Variants in LRRC8B observed in about 807,000 individuals in gnomAD.
LRRC8B encodes the protein leucine rich repeat containing 8 VRAC subunit B, also known as volume-regulated anion channel subunit LRRC8B.
Under a neutral mutation model 58.8 loss-of-function variants are expected in LRRC8B, and 23 were observed. The observed-to-expected ratio is 0.39, with a 90% CI of 0.28 to 0.55. The LOEUF is 0.55. LRRC8B is among the 20% of genes least tolerant of loss of function. The pLI, the probability that LRRC8B is intolerant of heterozygous loss-of-function variation, is 0.62. For synonymous variants in LRRC8B, 359 were observed against 374.1 expected, an observed-to-expected ratio of 0.96 and a Z score of 0.47; for missense variants, 694 against 936.0, an observed-to-expected ratio of 0.74 and a Z score of 3.37.
intron 5 of LRRC8B, among the ~76,000 whole-genome samples, chr1:89,589,645 A>G (rs1489845176): frequency 6.6e-6 from 1 of 151,542 alleles, no homozygotes; most frequent in Non-Finnish European, 1.5e-5. Flanking sequence ...CATCTATGTG[A>G]CACTGGGTTT....
chr1:89,552,279 TTC>T (rs1651881905), intron 1 of LRRC8B, among the ~76,000 whole-genome samples: 1 of 152,182 alleles, frequency 6.6e-6, no homozygotes, highest in Non-Finnish European at 1.5e-5. Flanking sequence ...TGAGAATATA[TTC>T]TGTTTTTGCA....
chr1:89,569,557 A>T (rs182615893), intron 3 of LRRC8B, among the ~76,000 whole-genome samples: 31 of 152,156 alleles, frequency 2.0e-4, no homozygotes, highest in Admixed American at 3.9e-4. Flanking sequence ...TAAGTGAAAA[A>T]ATGTATTTAG....
chr1:89,530,977 C>T (rs1033380421), intron 1 of LRRC8B, among the ~76,000 whole-genome samples: 2 of 152,110 alleles, frequency 1.3e-5, no homozygotes, highest in Non-Finnish European at 1.5e-5. Context: ...ATGCATCTTC[C>T]ACGTATTGTG....
rs2101130251 is a variant in LRRC8B at position 89,596,423 on chromosome 1, T to C, written c.*3380T>C. 6.6e-6 allele frequency: 1 copy of C among 152,310 alleles called. No homozygotes were observed. The highest frequency in any genetic ancestry group is 1.9e-4 in the East Asian group (1 of 5,194). 9.4% of individuals were successfully genotyped at this position (152,310 alleles called of 1,614,324 possible). ...TGGCATAGCTCCAATAGGTGTGCTG[T>C]GGTGCACTGCAGTGATGTATTTGCA... On this transcript the variant is annotated 3_prime_UTR_variant, in exon 6 of 6. Transcript: ENST00000330947.
At position 89,542,514 on chromosome 1, in the gene LRRC8B, A is replaced by G. The variant is rs556111117; in HGVS notation, c.-241+17492A>G. On this transcript the variant is annotated intron_variant, in intron 1 of 5. Transcript: ENST00000330947. Reference sequence around the variant, plus strand: ...AAATATTTACTGAATGACTGAGTGAATGAATGAATGAATGAATGAATCCAT... The same window carrying G: ...AAATATTTACTGAATGACTGAGTGAGTGAATGAATGAATGAATGAATCCAT... 2.6e-5 allele frequency among the ~76,000 whole-genome samples: 4 copies of G among 152,272 alleles called. No individual in the cohort carries two copies. The East Asian group carries it at 7.7e-4, about 29-fold the overall frequency.
chr1:89,540,629 AC>A (rs1650892804), intron 1 of LRRC8B, among the ~76,000 whole-genome samples: 1 of 152,178 alleles, frequency 6.6e-6, no homozygotes, highest in Non-Finnish European at 1.5e-5. Flanking sequence ...GCTTGGAGAT[AC>A]ATTTATATCT....
In LRRC8B at chr1:89,551,379, C is replaced by G. The variant is rs372372301; in HGVS notation, c.-240-16868C>G. ...TGAGCTTGTATCCTTATCCTAAAGT[C>G]AAGTGTATGATTTAAATGACTATGA... On this transcript the variant is annotated intron_variant, in intron 1 of 5. Transcript: ENST00000330947. Among the ~76,000 whole-genome samples the G allele has an allele frequency of 1.4e-4, 21 of 152,148 alleles. No individual in the cohort carries two copies. In the South Asian group the frequency reaches 3.3e-3, roughly 24 times the overall value.
chr1:89,550,237 T>G (rs1651700629), intron 1 of LRRC8B, among the ~76,000 whole-genome samples: 1 of 152,214 alleles, frequency 6.6e-6, no homozygotes, highest in African/African-American at 2.4e-5. Flanking sequence ...CAGGCACATC[T>G]TAGTTCAAGC....
intron 5 of LRRC8B, among the ~76,000 whole-genome samples, chr1:89,586,207 C>T (rs575760830): frequency 6.6e-6 from 1 of 152,298 alleles, no homozygotes; most frequent in East Asian, 1.9e-4. Flanking sequence ...ATTCAGTAGG[C>T]CAGACGTAGG....
Position 89,565,308 on chromosome 1 carries a change from A to G in LRRC8B, c.-240-2939A>G, listed in dbSNP as rs184429855. Reference sequence around the variant, plus strand: ...GGAATGATTGTGAAATCATAATTTGATAAGATATTAAGGTCATTTTGGAAT... The same window carrying G: ...GGAATGATTGTGAAATCATAATTTGGTAAGATATTAAGGTCATTTTGGAAT... On this transcript the variant is annotated intron_variant, in intron 1 of 5. Transcript: ENST00000330947. Among the ~76,000 whole-genome samples the G allele has an allele frequency of 2.9e-3, 446 of 152,302 alleles. 1 individual carries two copies. Among genetic ancestry groups the G allele is most frequent in the Admixed American group, 4.1e-3 (63 of 15,294 alleles).
At chr1:89,573,043 G>T (rs1557613799) in intron 3 of LRRC8B, among the ~76,000 whole-genome samples, 1 of 152,162 alleles carries the variant, frequency 6.6e-6, no homozygotes, top group Non-Finnish European at 1.5e-5. Flanking sequence ...GTTCACGCCT[G>T]TAATCCCAGC....
chr1:89,568,157 A>G lies in LRRC8B; in HGVS notation c.-240-90A>G, dbSNP rs374606334. 3.8e-4 allele frequency: 58 copies of G among 152,250 alleles called. 2 individuals carry two copies. The East Asian group carries it at 6.6e-3, about 17-fold the overall frequency. The allele number at this position is 152,250 out of a possible 1,614,324, so 9.4% of individuals were successfully genotyped here. ...TAATGCTATCTTATTCTCCATTAAAAATTCAATGTTTATGTTTTGTGCCTT... is the reference window on the plus strand; with the variant it reads ...TAATGCTATCTTATTCTCCATTAAAGATTCAATGTTTATGTTTTGTGCCTT... On this transcript the variant is annotated intron_variant, in intron 1 of 5. Coordinates refer to ENST00000330947, the MANE Select transcript of LRRC8B (RefSeq NM_001369817.2).
At position 89,584,090 on chromosome 1, in the gene LRRC8B, T is replaced by C. The variant is rs532444797; in HGVS notation, c.1440T>C (p.Pro480=). Residue 480 remains proline, a synonymous_variant, in exon 5 of 6, where the codon CCT becomes CCC. Coordinates refer to ENST00000330947, the MANE Select transcript of LRRC8B (RefSeq NM_001369817.2). ...VYHSSLVVDH[P]ALAFLEENLK... is the part of the protein sequence containing the mutation. Reference sequence around the variant, plus strand: ...ATTCATCTCTGGTCGTAGACCATCCTGCACTGGCCTTTCTAGAGGAGAATT... The same window carrying C: ...ATTCATCTCTGGTCGTAGACCATCCCGCACTGGCCTTTCTAGAGGAGAATT... 6.2e-7 allele frequency: 1 copy of C among 1,614,106 alleles called. No individual in the cohort carries two copies. Among genetic ancestry groups the C allele is most frequent in the East Asian group, 2.2e-5 (1 of 44,878 alleles).
chr1:89,546,451 A>T (rs760012417), intron 1 of LRRC8B, among the ~76,000 whole-genome samples: 3 of 152,186 alleles, frequency 2.0e-5, no homozygotes, highest in Non-Finnish European at 4.4e-5. Context: ...CAATGGTGGG[A>T]TATATCAAGC....
chr1:89,546,176 C>T (rs906141314), intron 1 of LRRC8B, among the ~76,000 whole-genome samples: 3 of 152,034 alleles, frequency 2.0e-5, no homozygotes, highest in Non-Finnish European at 2.9e-5. Context: ...GTTGGAAAAG[C>T]GGCCTGGTAC....
intron 5 of LRRC8B, among the ~76,000 whole-genome samples, chr1:89,591,038 G>A (rs1557626755): frequency 6.6e-6 from 1 of 152,198 alleles, no homozygotes; most frequent in Non-Finnish European, 1.5e-5. Context: ...CACCCACAAT[G>A]TCAACAGTGC....
chr1:89,584,903 C>A (rs1053235968), intron 5 of LRRC8B, 114 bp downstream of exon 5: 3 of 707,700 alleles, frequency 4.2e-6, no homozygotes, highest in Non-Finnish European at 6.9e-6. Context: ...AAGCCCAATC[C>A]GATCTTGCAT....
At chr1:89,578,485 C>T (rs771413981) in intron 3 of LRRC8B, among the ~76,000 whole-genome samples, 6 of 152,174 alleles carry the variant, frequency 3.9e-5, no homozygotes, top group Non-Finnish European at 7.3e-5. Context: ...CAGCTAGGTT[C>T]TTATACATAC....
At chr1:89,581,397 C>G (rs567878789) in intron 4 of LRRC8B, among the ~76,000 whole-genome samples, 1 of 152,026 alleles carries the variant, frequency 6.6e-6, no homozygotes, top group South Asian at 2.1e-4. Flanking sequence ...CAAGAGAAAC[C>G]CTTGAAAATA....
Sources: allele counts gnomAD v4.1 joint callset (sites outside exome capture counted in the v4.1 genomes callset), GRCh38; gene constraint gnomAD v4.1.1; transcripts MANE v1.5; gene names NCBI Gene and HGNC (gene_info 2026-07-23, HGNC 2026-07-21).